The following CEP128 variants were observed in gnomAD, a reference collection of about 807,000 sequenced individuals.
CEP128 encodes the protein centrosomal protein 128kDa.
Under a neutral mutation model 156.7 loss-of-function variants are expected in CEP128, and 132 were observed. The ratio of observed to expected loss-of-function variants is 0.84; its 90% confidence interval spans 0.73 to 0.97. The LOEUF (loss-of-function observed/expected upper bound fraction) is 0.97, where lower values mean the gene tolerates loss of function less well. Ranked by LOEUF, CEP128 falls within the 50% of genes least tolerant of loss-of-function variation. The pLI, the probability that CEP128 is intolerant of heterozygous loss-of-function variation, is 0.00. For synonymous variants in CEP128, 469 were observed against 448.9 expected (o/e 1.04, Z -0.57); for missense variants, 1,252 against 1,281.9 (o/e 0.98, Z 0.36).
intron 2 of CEP128, among the ~76,000 whole-genome samples, chr14:80,919,588 C>T (rs187058507): frequency 2.0e-4 from 30 of 152,126 alleles, no homozygotes; most frequent in Admixed American, 1.8e-3. Flanking sequence ...GGCATGGGTA[C>T]CTCAAAGTCT....
intron 19 of CEP128, among the ~76,000 whole-genome samples, chr14:80,635,808 C>T (rs145402281): frequency 1.3e-3 from 195 of 152,206 alleles, no homozygotes; most frequent in African/African-American, 4.5e-3. Context: ...GACATGATGC[C>T]ACAGTGGAAA....
At position 80,503,688 on chromosome 14, in the gene CEP128, G is replaced by A. The variant is rs143463924; in HGVS notation, c.3181+1224C>T. On this transcript the variant is annotated intron_variant, in intron 24 of 24. Transcript: ENST00000555265. ...AAGGACTTGGAGAAAGTTTTCCATT[G>A]CTAAATATGAAAGAAAAAAAATTTG... Among the ~76,000 whole-genome samples the A allele has an allele frequency of 8.4e-3, 1,282 of 152,140 alleles. 3 individuals are homozygous for A. Among genetic ancestry groups the A allele is most frequent in the Non-Finnish European group, 0.014 (935 of 67,986 alleles).
chr14:80,655,094 G>T (rs1895073046), intron 19 of CEP128, among the ~76,000 whole-genome samples: 3 of 151,918 alleles, frequency 2.0e-5, no homozygotes. Flanking sequence ...CAATCCCTTA[G>T]GTAATGTAAT....
intron 13 of CEP128, among the ~76,000 whole-genome samples, chr14:80,823,960 C>G (rs990974120): frequency 6.6e-6 from 1 of 152,278 alleles, no homozygotes; most frequent in South Asian, 2.1e-4. Flanking sequence ...CCTGCCTCTG[C>G]AGCAAGCTTC....
At chr14:80,695,837 T>A (rs1896875410) in intron 19 of CEP128, among the ~76,000 whole-genome samples, 1 of 152,160 alleles carries the variant, frequency 6.6e-6, no homozygotes, top group South Asian at 2.1e-4. Flanking sequence ...CATAAAAGAC[T>A]TAAAGGTATA....
At chr14:80,565,008 G>A (rs768611193) in intron 20 of CEP128, among the ~76,000 whole-genome samples, 5 of 151,982 alleles carry the variant, frequency 3.3e-5, no homozygotes, top group South Asian at 2.1e-4. Context: ...GCAGTGAGTC[G>A]AGATCACACC....
At chr14:80,783,421 T>C (rs1901230902) in intron 15 of CEP128, among the ~76,000 whole-genome samples, 1 of 152,154 alleles carries the variant, frequency 6.6e-6, no homozygotes, top group African/African-American at 2.4e-5. Context: ...TGTGTCCCAA[T>C]TGCTTCATCA....
intron 19 of CEP128, among the ~76,000 whole-genome samples, chr14:80,615,097 T>C (rs1893155589): frequency 6.6e-6 from 1 of 152,214 alleles, no homozygotes; most frequent in African/African-American, 2.4e-5. Flanking sequence ...TGGAGTATGT[T>C]AATCATTGCA....
intron 2 of CEP128, among the ~76,000 whole-genome samples, chr14:80,929,799 T>C (rs1594858889): frequency 6.6e-6 from 1 of 152,156 alleles, no homozygotes; most frequent in Non-Finnish European, 1.5e-5. Context: ...GTGCCTAAAA[T>C]CCCAGACTTC....
intron 19 of CEP128, among the ~76,000 whole-genome samples, chr14:80,655,190 C>T (rs941019174): frequency 3.3e-5 from 5 of 152,110 alleles, no homozygotes; most frequent in South Asian, 2.1e-4. Context: ...ATGGAGGATA[C>T]AAGACATTAT....
At chr14:80,664,738 G>A (rs1895543001) in intron 19 of CEP128, among the ~76,000 whole-genome samples, 1 of 152,152 alleles carries the variant, frequency 6.6e-6, no homozygotes, top group African/African-American at 2.4e-5. Flanking sequence ...CAGTGTGACT[G>A]CAGGATATCT....
Position 80,862,728 on chromosome 14 carries a change from T to G in CEP128, c.762+29A>C, listed in dbSNP as rs1887573191. Reference sequence around the variant, plus strand: ...TAAATAAACATCCAAATTCAAGATTTACATTCCATGAAAGTGTTTTTCACA... The same window carrying G: ...TAAATAAACATCCAAATTCAAGATTGACATTCCATGAAAGTGTTTTTCACA... On this transcript the variant is annotated intron_variant, in intron 9 of 24. Transcript: ENST00000555265. 4 of 1,398,304 alleles carry G rather than the reference T, an allele frequency of 2.9e-6. No homozygotes were observed. In the African/African-American group the frequency reaches 5.7e-5, roughly 20 times the overall value. The allele number at this position is 1,398,304 out of a possible 1,614,324, so 86.6% of individuals were successfully genotyped here.
At chr14:80,695,828 A>G (rs1436724862) in intron 19 of CEP128, among the ~76,000 whole-genome samples, 2 of 152,168 alleles carry the variant, frequency 1.3e-5, no homozygotes, top group Non-Finnish European at 2.9e-5. Flanking sequence ...TCAATGGTCC[A>G]TAAAAGACTT....
At chr14:80,610,558 T>G (rs1184800644) in intron 19 of CEP128, among the ~76,000 whole-genome samples, 2 of 152,132 alleles carry the variant, frequency 1.3e-5, no homozygotes, top group Non-Finnish European at 2.9e-5. Flanking sequence ...AATATTGGTA[T>G]TATATGGGAA....
chr14:80,622,519 G>A (rs1698013965), intron 19 of CEP128, among the ~76,000 whole-genome samples: 2 of 149,966 alleles, frequency 1.3e-5, no homozygotes, highest in African/African-American at 4.9e-5. Context: ...GAGTGAACAG[G>A]CAACCTACAG....
chr14:80,685,800 A>G (rs1014654212), intron 19 of CEP128, among the ~76,000 whole-genome samples: 19 of 152,094 alleles, frequency 1.2e-4, no homozygotes, highest in African/African-American at 4.6e-4. Context: ...CCCAGAAATA[A>G]AACTGCACTC....
At chr14:80,950,906 G>GAAAAAAAAAAA (rs59969729) in intron 2 of CEP128, among the ~76,000 whole-genome samples, 1 of 115,060 alleles carries the variant, frequency 8.7e-6, no homozygotes. Flanking sequence ...TCCCGAGTAA[G>GAAAAAAAAAAA]AAAAAAAAAA....
intron 8 of CEP128, among the ~76,000 whole-genome samples, chr14:80,873,393 C>T (rs1047933993): frequency 2.0e-5 from 3 of 152,172 alleles, no homozygotes; most frequent in African/African-American, 7.2e-5. Flanking sequence ...ATAGATAATA[C>T]TTACTAGTTT....
rs1023716941 is a variant in CEP128, at chr14:80,868,138, A to C, written c.646-5265T>G. Among the ~76,000 whole-genome samples, 6 of 152,188 alleles carry C rather than the reference A, an allele frequency of 3.9e-5. No individual in the cohort carries two copies. In the East Asian group the frequency reaches 7.7e-4, roughly 20 times the overall value. ...TAATTTGCCTTACAAGAAATATAAA[A>C]GGGAGTTCTTCAAGACAAAATGAAA... is the stretch of plus-strand genomic sequence containing the variant. On this transcript the variant is annotated intron_variant, in intron 8 of 24. Coordinates refer to ENST00000555265, the MANE Select transcript of CEP128 (RefSeq NM_152446.5).
Sources: gnomAD v4.1 joint callset for allele counts (sites outside exome capture counted in the v4.1 genomes callset) on GRCh38, gnomAD v4.1.1 for gene constraint, MANE v1.5 for transcripts, NCBI Gene and HGNC (gene_info 2026-07-23, HGNC 2026-07-21) for gene names.